Variants in ROBO1 observed in about 807,000 individuals in gnomAD.
ROBO1 encodes the protein roundabout homolog 1.
Under a neutral mutation model 195.9 loss-of-function variants are expected in ROBO1, and 149 were observed. The observed-to-expected ratio is 0.76, with a 90% CI of 0.67 to 0.87. The LOEUF is 0.87. ROBO1 is among the 40% of genes least tolerant of loss of function. The pLI is 0.00. For missense variants in ROBO1, 1,933 were observed against 2,068.3 expected (o/e 0.93, Z 1.27); for synonymous variants, 816 against 733.2 (o/e 1.11, Z -1.82).
chr3:78,661,388 A>C, intron 15 of ROBO1, 127 bp from the exon 16 acceptor site: 1 of 509,706 alleles, frequency 2.0e-6, no homozygotes. Context: ...CTTACACAAG[A>C]AATGTGTAAG....
At chr3:79,215,314 T>G (rs2082036151) in intron 2 of ROBO1, among the ~76,000 whole-genome samples, 1 of 152,092 alleles carries the variant, frequency 6.6e-6, no homozygotes, top group South Asian at 2.1e-4. Context: ...ATGTCCCACA[T>G]GTGGGAAAAT....
At position 79,606,035 on chromosome 3, in the gene ROBO1, C is replaced by CATATATATATATAT. The variant is rs111238153; in HGVS notation, c.-50-16088_-50-16075dup. On this transcript the variant is annotated intron_variant, in intron 1 of 30. Transcript: ENST00000464233. ...ACCCATTTATATATACATGTACCCA[C>CATATATATATATAT]ATATATATATATATATACACCCATT... Among the ~76,000 whole-genome samples, 428 of 146,754 alleles carry CATATATATATATAT rather than the reference C, an allele frequency of 2.9e-3. 2 individuals carry two copies. The highest frequency in any genetic ancestry group is 0.01 in the African/African-American group (409 of 39,790).
intron 4 of ROBO1, among the ~76,000 whole-genome samples, chr3:78,912,830 TTAAC>T (rs2038327147): frequency 6.6e-6 from 1 of 152,142 alleles, no homozygotes. Flanking sequence ...CATCAGATGT[TTAAC>T]AAAAAGAATG....
In ROBO1 at chr3:79,010,394, T is replaced by G. The variant is rs377112770; in HGVS notation, c.173-71467A>C. On this transcript the variant is annotated intron_variant, in intron 3 of 30. Transcript: ENST00000464233. ...GACAGACAGGGCTAATAACAACACA[T>G]TCATTTCTAATATGATTGTTTTAAG... is the stretch of plus-strand genomic sequence containing the variant. Among the ~76,000 whole-genome samples the G allele has an allele frequency of 9.2e-5, 14 of 152,254 alleles. No homozygotes were observed. In the South Asian group the frequency reaches 2.5e-3, roughly 27 times the overall value.
intron 4 of ROBO1, among the ~76,000 whole-genome samples, chr3:78,924,818 G>A (rs975920335): frequency 1.3e-5 from 2 of 151,964 alleles, no homozygotes; most frequent in Admixed American, 1.3e-4. Context: ...TTAAACAAAA[G>A]CAGAGTGTTC....
At position 79,717,768 on chromosome 3, in the gene ROBO1, A is replaced by G. The variant is rs773849498; in HGVS notation, c.-51+49984T>C. 1.8e-4 allele frequency among the ~76,000 whole-genome samples: 27 copies of G among 152,014 alleles called. 1 individual carries two copies. Among genetic ancestry groups the G allele is most frequent in the Non-Finnish European group, 4.4e-5 (3 of 67,908 alleles). On this transcript the variant is annotated intron_variant, in intron 1 of 30. Coordinates refer to ENST00000464233, the MANE Select transcript of ROBO1 (RefSeq NM_002941.4). ...TGCTATTCTGAAAAACTTTAGAGAA[A>G]GACCAAGCAAAAATAGTTACACTAG...
At chr3:79,108,384 G>A (rs1048697993) in intron 3 of ROBO1, among the ~76,000 whole-genome samples, 13 of 151,746 alleles carry the variant, frequency 8.6e-5, no homozygotes, top group Admixed American at 8.6e-4. Context: ...AAAAACTAAT[G>A]TCCATTCAAC....
chr3:79,332,485 T>C (rs1214486990), intron 2 of ROBO1, among the ~76,000 whole-genome samples: 4 of 152,200 alleles, frequency 2.6e-5, no homozygotes, highest in African/African-American at 9.7e-5. Context: ...CTTTGACTTC[T>C]AGAGTGAGAG....
intron 1 of ROBO1, among the ~76,000 whole-genome samples, chr3:79,689,666 A>C (rs1947242211): frequency 6.6e-6 from 1 of 152,030 alleles, no homozygotes; most frequent in Admixed American, 6.6e-5. Flanking sequence ...TATTCCTGGA[A>C]ACTATCTTGC....
chr3:79,266,452 C>T (rs1381310406), intron 2 of ROBO1, among the ~76,000 whole-genome samples: 1 of 151,480 alleles, frequency 6.6e-6, no homozygotes, highest in African/African-American at 2.4e-5. Flanking sequence ...TCCTTCTTAG[C>T]TACAGAATAC....
At chr3:79,140,713 T>C (rs557562215) in intron 2 of ROBO1, among the ~76,000 whole-genome samples, 3 of 152,164 alleles carry the variant, frequency 2.0e-5, no homozygotes, top group Admixed American at 6.5e-5. Context: ...AATTTGCCAA[T>C]TGGGAGTTTA....
chr3:79,459,728 T>C (rs1270212404), intron 2 of ROBO1, among the ~76,000 whole-genome samples: 2 of 152,108 alleles, frequency 1.3e-5, no homozygotes, highest in Non-Finnish European at 2.9e-5. Context: ...TTAAGAATAA[T>C]GTATATGTAA....
At chr3:79,212,476 C>A (rs985934378) in intron 2 of ROBO1, among the ~76,000 whole-genome samples, 1 of 152,072 alleles carries the variant, frequency 6.6e-6, no homozygotes, top group African/African-American at 2.4e-5. Context: ...GAAATCAAAC[C>A]GACTGTCTTT....
At chr3:79,344,462 C>T (rs1318412360) in intron 2 of ROBO1, among the ~76,000 whole-genome samples, 6 of 152,116 alleles carry the variant, frequency 3.9e-5, no homozygotes, top group South Asian at 2.1e-4. Flanking sequence ...ACAATAAAAG[C>T]GAATAATAGT....
chr3:79,458,145 G>A (rs886618044), intron 2 of ROBO1, among the ~76,000 whole-genome samples: 1 of 152,070 alleles, frequency 6.6e-6, no homozygotes, highest in Non-Finnish European at 1.5e-5. Flanking sequence ...TGTTGATTAT[G>A]CCTAGAAGAT....
chr3:78,859,558 G>T (rs2034658839), intron 4 of ROBO1, among the ~76,000 whole-genome samples: 1 of 152,186 alleles, frequency 6.6e-6, no homozygotes, highest in Non-Finnish European at 1.5e-5. Flanking sequence ...TAGAGGAAGA[G>T]ATTTTTGTAG....
chr3:79,117,385 A>C (rs2080025802), intron 3 of ROBO1, among the ~76,000 whole-genome samples: 2 of 151,874 alleles, frequency 1.3e-5, no homozygotes, highest in African/African-American at 2.4e-5. Flanking sequence ...AAAAACAAAA[A>C]AAAAAAGAGC....
At chr3:79,183,080 CAA>C (rs1304597488) in intron 2 of ROBO1, among the ~76,000 whole-genome samples, 24 of 64,774 alleles carry the variant, frequency 3.7e-4, no homozygotes, top group Admixed American at 7.2e-4. Context: ...GACTCCAACT[CAA>C]AAAAAAAAAA....
chr3:78,991,909 C>T (rs774656337), intron 3 of ROBO1, among the ~76,000 whole-genome samples: 1 of 151,786 alleles, frequency 6.6e-6, no homozygotes, highest in Non-Finnish European at 1.5e-5. Flanking sequence ...ACAATAAACT[C>T]TGAAATATTT....
Sources: gnomAD v4.1 joint callset for allele counts (sites outside exome capture counted in the v4.1 genomes callset) on GRCh38, gnomAD v4.1.1 for gene constraint, MANE v1.5 for transcripts, NCBI Gene and HGNC (gene_info 2026-07-23, HGNC 2026-07-21) for gene names.